Variants in CAB39L observed in about 807,000 individuals in gnomAD.
CAB39L encodes calcium-binding protein 39-like.
In CAB39L, 23 loss-of-function variants were observed where a neutral mutation model predicts 39.1. The observed-to-expected ratio is 0.59, with a 90% CI of 0.42 to 0.83. The LOEUF (loss-of-function observed/expected upper bound fraction) is 0.83. Ranked by LOEUF, CAB39L falls within the 40% of genes least tolerant of loss-of-function variation. CAB39L has a pLI of 0.00. For missense variants in CAB39L, 366 were observed against 391.9 expected (o/e 0.93, Z 0.56); for synonymous variants, 126 against 137.2 (o/e 0.92, Z 0.57).
chr13:49,374,052 A>T (rs1023823717), intron 5 of CAB39L, among the ~76,000 whole-genome samples: 2 of 152,222 alleles, frequency 1.3e-5, no homozygotes, highest in Admixed American at 1.3e-4. Flanking sequence ...ATGGAACTGT[A>T]CTAAACTTTC....
intron 5 of CAB39L, among the ~76,000 whole-genome samples, chr13:49,367,604 C>T (rs1010678262): frequency 6.6e-6 from 1 of 152,128 alleles, no homozygotes; most frequent in Admixed American, 6.5e-5. Context: ...CAGTTGCTCT[C>T]ATAATTTTAA....
At chr13:49,442,809 A>ACAAAAC (rs1566146257) in intron 1 of CAB39L, among the ~76,000 whole-genome samples, 5 of 149,466 alleles carry the variant, frequency 3.3e-5, no homozygotes, top group African/African-American at 1.2e-4. Flanking sequence ...AAAAAAAAAA[A>ACAAAAC]AAAAAAAAAA....
intron 3 of CAB39L, among the ~76,000 whole-genome samples, chr13:49,386,672 A>G (rs1956368387): frequency 6.6e-6 from 1 of 152,104 alleles, no homozygotes; most frequent in South Asian, 2.1e-4. Context: ...TTTTGAAGGA[A>G]ATCAAAGTTC....
chr13:49,390,455 C>T (rs1956464028), intron 3 of CAB39L, among the ~76,000 whole-genome samples: 1 of 152,160 alleles, frequency 6.6e-6, no homozygotes, highest in East Asian at 1.9e-4. Flanking sequence ...GTCATATCAG[C>T]TGCCAATACC....
chr13:49,356,058 A>T (rs1460567313), intron 6 of CAB39L, among the ~76,000 whole-genome samples: 1 of 152,166 alleles, frequency 6.6e-6, no homozygotes, highest in Admixed American at 6.6e-5. Flanking sequence ...CACCTCTAGC[A>T]AAATGACGGA....
At chr13:49,348,733 T>C (rs1162884800) in intron 7 of CAB39L, among the ~76,000 whole-genome samples, 1 of 152,208 alleles carries the variant, frequency 6.6e-6, no homozygotes, top group African/African-American at 2.4e-5. Context: ...TTCTTGTCAA[T>C]TAAATTTTCC....
At chr13:49,312,468 A>T (rs563957453) in intron 10 of CAB39L, among the ~76,000 whole-genome samples, 62 of 152,318 alleles carry the variant, frequency 4.1e-4, no homozygotes, top group African/African-American at 1.4e-3. Context: ...CCATTGGGTT[A>T]TAATTGCCTG....
intron 10 of CAB39L, among the ~76,000 whole-genome samples, chr13:49,321,936 G>A (rs1954356284): frequency 6.6e-6 from 1 of 152,138 alleles, no homozygotes; most frequent in Non-Finnish European, 1.5e-5. Flanking sequence ...ATATAGCATA[G>A]TGATTACCTA....
Position 49,377,061 on chromosome 13 carries a change from G to C in CAB39L, c.182C>G (p.Pro61Arg). 1.2e-6 allele frequency: 2 copies of C among 1,613,366 alleles called. No individual in the cohort carries two copies. The highest frequency in any genetic ancestry group is 1.7e-6 in the Non-Finnish European group (2 of 1,179,416). ...EILCGTNEKE[P>R]PTEAVAQLAQ... ...TAGCTGAGCCACTGCTTCTGTTGGG[G>C]GTTCTTTCTCGTTTGTACCACACAG... The change falls in exon 5 of 11, where the codon CCC becomes CGC. Residue 61 changes from proline to arginine, a missense_variant. Pro to Arg is a moderately radical substitution (Grantham distance 103). Coordinates refer to ENST00000409308, the MANE Select transcript of CAB39L (RefSeq NM_001079670.3).
At chr13:49,372,359 G>A (rs181265549) in intron 5 of CAB39L, among the ~76,000 whole-genome samples, 2 of 152,140 alleles carry the variant, frequency 1.3e-5, no homozygotes, top group East Asian at 1.9e-4. Context: ...CTCCTAACTA[G>A]CCATTATTCA....
intron 3 of CAB39L, among the ~76,000 whole-genome samples, chr13:49,423,080 A>T (rs1234423337): frequency 6.6e-6 from 1 of 152,232 alleles, no homozygotes; most frequent in African/African-American, 2.4e-5. Context: ...GGTGAGGATA[A>T]AAAGAGGAAG....
intron 6 of CAB39L, among the ~76,000 whole-genome samples, chr13:49,358,816 C>T (rs959763647): frequency 2.0e-5 from 3 of 151,898 alleles, no homozygotes; most frequent in Non-Finnish European, 2.9e-5. Context: ...GCCAAGATCG[C>T]ATCACTGTAC....
chr13:49,401,283 G>A (rs537885031), intron 3 of CAB39L: 10 of 152,276 alleles, frequency 6.6e-5, no homozygotes, highest in South Asian at 6.2e-4. Flanking sequence ...ATTACCAAGC[G>A]TGGCAGAGAA....
intron 5 of CAB39L, among the ~76,000 whole-genome samples, chr13:49,361,602 C>A (rs749155695): frequency 8.0e-5 from 12 of 150,438 alleles, no homozygotes; most frequent in Non-Finnish European, 1.8e-4. Context: ...AGTCCAATAC[C>A]CTTCAATGAC....
chr13:49,418,326 G>A (rs899216448), intron 3 of CAB39L, among the ~76,000 whole-genome samples: 10 of 152,146 alleles, frequency 6.6e-5, no homozygotes, highest in Admixed American at 6.5e-4. Flanking sequence ...GTCCAGAATA[G>A]GCAAATCCAG....
chr13:49,318,474 GGAAA>G (rs1477926465), intron 10 of CAB39L, among the ~76,000 whole-genome samples: 12 of 22 alleles, frequency 0.55, 6 homozygotes, highest in African/African-American at 0.55. Context: ...GGAAAGGAAA[GGAAA>G]GGAAAGGGAA....
Position 49,339,708 on chromosome 13 carries a change from T to G in CAB39L, c.659A>C (p.Glu220Ala), listed in dbSNP as rs749246491. Residue 220 changes from glutamate (E) to alanine (A), a missense_variant, in exon 9 of 11, where the codon GAG (glutamate) becomes GCG (alanine). Transcript: ENST00000409308. The part of the protein sequence containing the change: ...FEDYEKLLQS[E>A]NYVTKRQSLK... ...AGACTGTCTCTTAGTAACATAATTC[T>G]CAGACTGAAGCAATTTCTCATAGTC... 6.3e-6 allele frequency: 10 copies of G among 1,580,232 alleles called. No homozygotes were observed. The East Asian group carries it at 2.1e-4, about 33-fold the overall frequency.
At chr13:49,370,237 T>C (rs1955882737) in intron 5 of CAB39L, among the ~76,000 whole-genome samples, 1 of 152,194 alleles carries the variant, frequency 6.6e-6, no homozygotes. Context: ...AACTACAAGC[T>C]AGCTCAAAGT....
At chr13:49,389,581 C>T (rs891313706) in intron 3 of CAB39L, among the ~76,000 whole-genome samples, 3 of 152,140 alleles carry the variant, frequency 2.0e-5, no homozygotes, top group African/African-American at 7.2e-5. Context: ...GCAGAGGTTT[C>T]AGTGAGCCAA....
Sources: gnomAD v4.1 joint callset for allele counts (sites outside exome capture counted in the v4.1 genomes callset) on GRCh38, gnomAD v4.1.1 for gene constraint, MANE v1.5 for transcripts, NCBI Gene and HGNC (gene_info 2026-07-23, HGNC 2026-07-21) for gene names.